IDUA: variants seen among roughly 807,000 people sequenced by gnomAD.
The protein encoded by IDUA is iduronidase alpha-L-.
In IDUA, 65 loss-of-function variants were observed where a neutral mutation model predicts 68.9. The ratio of observed to expected loss-of-function variants is 0.94; its 90% CI spans 0.77 to 1.16. IDUA has a LOEUF of 1.16. Among genes scored for constraint, IDUA ranks in the 50% most tolerant of loss-of-function variants. The probability of loss-of-function intolerance (pLI) is 0.00; values close to 1 mark genes in which losing one functional copy is unlikely to be tolerated. For missense variants in IDUA, 1,046 were observed against 938.0 expected, an observed-to-expected ratio of 1.12 and a Z score of -1.50; for synonymous variants, 529 against 433.6, an observed-to-expected ratio of 1.22 and a Z score of -2.73.
intron 2 of IDUA, among the ~76,000 whole-genome samples, chr4:997,915 C>T (rs938813746): frequency 2.6e-5 from 4 of 152,232 alleles, no homozygotes; most frequent in South Asian, 2.1e-4. Context: ...GGGCTCCCCC[C>T]GCTAGGGTCA....
rs777698606 is a variant in IDUA, at chr4:987,949, G to A, written c.299G>A (p.Arg100Lys). ...TGGCTGCTGGAGCTTGTCACCACCA[G>A]GTGGGCGGCGGGCAGGGTCTGGGCG... is the stretch of plus-strand genomic sequence containing the variant. ...THWLLELVTTRGSTGRGLSYN... is the reference protein window; with the variant it reads ...THWLLELVTTKGSTGRGLSYN... The change falls in exon 2 of 14, where the codon AGG (arginine) becomes AAG (lysine). Residue 100 changes from arginine to lysine, a missense_variant and splice_region_variant. Physicochemically the swap from Arg to Lys is conservative, Grantham distance 26 (BLOSUM62 2). Coordinates refer to ENST00000514224, the MANE Select transcript of IDUA (RefSeq NM_000203.5). 2 of 1,570,946 alleles carry A rather than the reference G, an allele frequency of 1.3e-6. No individual in the cohort carries two copies. Among genetic ancestry groups the A allele is most frequent in the Admixed American group, 3.7e-5 (2 of 54,020 alleles).
At position 987,142 on chromosome 4, in the gene IDUA, G is replaced by A. The variant is rs1200710862; in HGVS notation, c.58G>A (p.Ala20Thr). 1.4e-6 allele frequency: 2 copies of A among 1,419,078 alleles called. No individual in the cohort carries two copies. The highest frequency in any genetic ancestry group is 9.2e-7 in the Non-Finnish European group (1 of 1,092,398). The allele number at this position is 1,419,078 out of a possible 1,614,324, so 87.9% of individuals were successfully genotyped here. The stretch of plus-strand genomic sequence containing the variant: ...GGCGCTCCTGGCCTCGCTCCTGGCC[G>A]CGCCCCCGGTGGCCCCGGCCGAGGC... Reference protein sequence around the residue: ...LLALLASLLAAPPVAPAEAPH... With the variant: ...LLALLASLLATPPVAPAEAPH... Residue 20 changes from alanine (A) to threonine (T), a missense_variant, in exon 1 of 14, where the codon GCG (alanine) becomes ACG (threonine). By Grantham distance (58) the Ala-to-Thr change is moderately conservative. Transcript: ENST00000514224.
At chr4:1,003,214 G>A in intron 10 of IDUA, 57 bp downstream of exon 10, 1 of 1,272,198 alleles carries the variant, frequency 7.9e-7, no homozygotes, top group Non-Finnish European at 1.0e-6. Flanking sequence ...CGGGGGGGTG[G>A]GGTCCGGGGC....
rs73066482 is a variant in IDUA, at chr4:1,003,925, C to A, written c.1728-87C>A. ...CGCCGAGGGGCTTGAGGGAATGAGG[C>A]TGTGGGTCCACGCGGCCGTGCCCTG... On this transcript the variant is annotated intron_variant, in intron 12 of 13. Coordinates refer to ENST00000514224, the MANE Select transcript of IDUA (RefSeq NM_000203.5). The A allele has an allele frequency of 8.9e-4, 974 of 1,096,132 alleles. 9 individuals are homozygous for A. The African/African-American group carries it at 0.013, about 15-fold the overall frequency. The allele number at this position is 1,096,132 out of a possible 1,614,324, so 67.9% of individuals were successfully genotyped here.
intron 2 of IDUA, chr4:988,667 G>A (rs1308754101): frequency 7.1e-7 from 1 of 1,414,558 alleles, no homozygotes; most frequent in African/African-American, 1.4e-5. Flanking sequence ...TGTGATCAGA[G>A]GGCCTCCTTT....
chr4:1,000,011 T>G (rs1273656499), intron 2 of IDUA: 1 of 132,176 alleles, frequency 7.6e-6, no homozygotes, highest in Non-Finnish European at 1.6e-5. Flanking sequence ...CCCTTCTCCC[T>G]TGACGACGCC....
Position 1,003,411 on chromosome 4 carries a change from C to T in IDUA, c.1591C>T (p.Arg531Trp). The change falls in exon 11 of 14, where the codon CGG becomes TGG. Residue 531 changes from arginine to tryptophan, a missense_variant. Physicochemically the swap from Arg to Trp is moderately radical, Grantham distance 101 (BLOSUM62 -3). Coordinates refer to ENST00000514224, the MANE Select transcript of IDUA (RefSeq NM_000203.5). ...GGRLTLRPAL[R>W]LPSLLLVHVC... The stretch of plus-strand genomic sequence containing the variant: ...CCGCCTGACCCTGCGCCCCGCGCTG[C>T]GGCTGCCGTCGCTTTTGCTGGTGCA... The T allele has an allele frequency of 6.5e-7, 1 of 1,527,046 alleles. No individual in the cohort carries two copies. The highest frequency in any genetic ancestry group is 8.7e-7 in the Non-Finnish European group (1 of 1,143,770). The allele number at this position is 1,527,046 out of a possible 1,614,324, so 94.6% of individuals were successfully genotyped here. A position where few individuals can be genotyped will look rare whatever the true frequency, so the allele number is the denominator to read the frequency against.
intron 2 of IDUA, 184 bp downstream of exon 2, chr4:988,133 C>T: frequency 7.1e-7 from 1 of 1,411,618 alleles, no homozygotes; most frequent in Non-Finnish European, 9.2e-7. Flanking sequence ...GGAGCCCCTG[C>T]ATGGGGCACG....
At chr4:1,001,245 G>T in intron 4 of IDUA, 1 of 630,554 alleles carries the variant, frequency 1.6e-6, no homozygotes, top group Non-Finnish European at 2.8e-6. Context: ...TCCTGGGCAG[G>T]CTGCACCCCT....
chr4:1,002,184 G>A, intron 7 of IDUA, 23 bp downstream of exon 7: 1 of 1,559,528 alleles, frequency 6.4e-7, no homozygotes, highest in Non-Finnish European at 8.7e-7. Flanking sequence ...AACGCCCTGC[G>A]CGCCCCCCGG....
intron 2 of IDUA, among the ~76,000 whole-genome samples, chr4:999,406 T>C (rs1714944755): frequency 6.6e-6 from 1 of 152,188 alleles, no homozygotes; most frequent in Admixed American, 6.5e-5. Context: ...GATTGTCATG[T>C]GTGCATTCCT....
In IDUA at chr4:994,627, C is replaced by T. The variant is rs549848726; in HGVS notation, c.300-5985C>T. Among the ~76,000 whole-genome samples the T allele has an allele frequency of 7.9e-5, 12 of 151,836 alleles. No individual in the cohort carries two copies. The South Asian group carries it at 1.0e-3, about 13-fold the overall frequency. On this transcript the variant is annotated intron_variant, in intron 2 of 13. Coordinates refer to ENST00000514224, the MANE Select transcript of IDUA (RefSeq NM_000203.5). ...TAATTTTTTGTATTTTTAGTAGAGA[C>T]GGGGTTTCACCATGTTAGCCAGGAT...
In IDUA at chr4:1,001,573, G is replaced by C; in HGVS notation, c.589+10G>C. 6.2e-7 allele frequency: 1 copy of C among 1,612,564 alleles called. No individual in the cohort carries two copies. The highest frequency in any genetic ancestry group is 1.3e-5 in the African/African-American group (1 of 75,030). On this transcript the variant is annotated intron_variant, in intron 5 of 13. Transcript: ENST00000514224. Reference sequence around the variant, plus strand: ...TCCATGACCATGCAAGGTGTGCACCGCTTCCTGGGGTCCTGCCCGGCTGAA... The same window carrying C: ...TCCATGACCATGCAAGGTGTGCACCCCTTCCTGGGGTCCTGCCCGGCTGAA...
At chr4:1,001,923 C>T (rs1715107133) in intron 6 of IDUA, 42 bp downstream of exon 6, 1 of 1,569,570 alleles carries the variant, frequency 6.4e-7, no homozygotes, top group Admixed American at 1.9e-5. Flanking sequence ...TCTGCGCCCT[C>T]AGCCGCTGTG....
chr4:988,747 C>G, intron 2 of IDUA: 1 of 1,436,076 alleles, frequency 7.0e-7, no homozygotes, highest in Non-Finnish European at 9.1e-7. Context: ...GTGGCTCCTC[C>G]CTGGGAAGGG....
intron 2 of IDUA, chr4:991,527 C>T: frequency 1.9e-6 from 3 of 1,606,934 alleles, no homozygotes; most frequent in Non-Finnish European, 2.6e-6. Flanking sequence ...ACTGACGCAG[C>T]CAGCGCGTGG....
Position 1,002,879 on chromosome 4 carries a change from C to T in IDUA, c.1337C>T (p.Thr446Ile). The change falls in exon 9 of 14, where the codon ACC becomes ATC. Residue 446 changes from threonine to isoleucine, a missense_variant. Transcript: ENST00000514224. ...AAVLIYASDD[T>I]RAHPNRSVAV... ...GTGCTGATCTACGCGAGCGACGACA[C>T]CCGCGCCCACCCCAACCGCAGCGTC... 2.8e-6 allele frequency: 4 copies of T among 1,435,210 alleles called. No homozygotes were observed. Among genetic ancestry groups the T allele is most frequent in the Non-Finnish European group, 3.6e-6 (4 of 1,099,996 alleles). The allele number at this position is 1,435,210 out of a possible 1,614,324, so 88.9% of individuals were successfully genotyped here.
chr4:998,148 G>A (rs1048619557), intron 2 of IDUA, among the ~76,000 whole-genome samples: 7 of 152,212 alleles, frequency 4.6e-5, no homozygotes, highest in South Asian at 2.1e-4. Context: ...GGGGCCGGGT[G>A]GGGTGGACCC....
In IDUA at chr4:987,120, G is replaced by T; in HGVS notation, c.36G>T (p.Ala12=). 1 of 1,438,810 alleles carries T rather than the reference G, an allele frequency of 7.0e-7. No homozygotes were observed. 89.1% of individuals were successfully genotyped at this position (1,438,810 alleles called of 1,614,324 possible). ...RPLRPRAALL[A]LLASLLAAPP... ...TGCGCCCCCGCGCCGCGCTGCTGGCGCTCCTGGCCTCGCTCCTGGCCGCGC... is the reference window on the plus strand; with the variant it reads ...TGCGCCCCCGCGCCGCGCTGCTGGCTCTCCTGGCCTCGCTCCTGGCCGCGC... Residue 12 remains alanine, a synonymous_variant, in exon 1 of 14, where the codon GCG becomes GCT. Transcript: ENST00000514224.
Sources: allele counts gnomAD v4.1 joint callset (sites outside exome capture counted in the v4.1 genomes callset), GRCh38; gene constraint gnomAD v4.1.1; transcripts MANE v1.5; gene names NCBI Gene and HGNC (gene_info 2026-07-23, HGNC 2026-07-21).